Variants in DNAH17 observed in about 807,000 individuals in gnomAD.
DNAH17 encodes axonemal beta dynein heavy chain 17.
DNAH17 carries 376 observed loss-of-function variants against 485.6 expected under a neutral mutation model. The observed-to-expected ratio is 0.77, with a 90% confidence interval of 0.71 to 0.84. The LOEUF is 0.84. DNAH17 is among the 40% of genes least tolerant of loss of function. The pLI, the probability that DNAH17 is intolerant of heterozygous loss-of-function variation, is 0.00. For missense variants in DNAH17, 6,370 were observed against 5,839.3 expected, an observed-to-expected ratio of 1.09 and a Z score of -2.96; for synonymous variants, 3,031 against 2,405.9, an observed-to-expected ratio of 1.26 and a Z score of -7.60.
Position 78,441,203 on chromosome 17 carries a change from G to A in DNAH17, c.11529-4C>T. The A allele has an allele frequency of 6.2e-7, 1 of 1,613,704 alleles. No homozygotes were observed. Among genetic ancestry groups the A allele is most frequent in the Non-Finnish European group, 8.5e-7 (1 of 1,179,812 alleles). The stretch of plus-strand genomic sequence containing the variant: ...CATCTTTTCCTCCACGAAGTTCCTA[G>A]GGGTGGAGTGCATCAGAGGCAGCGG... On this transcript the variant is annotated splice_polypyrimidine_tract_variant and splice_region_variant and intron_variant, in intron 71 of 80. Coordinates refer to ENST00000389840, the MANE Select transcript of DNAH17 (RefSeq NM_173628.4).
chr17:78,560,278 C>G (rs1344398569), intron 13 of DNAH17, among the ~76,000 whole-genome samples: 1 of 152,188 alleles, frequency 6.6e-6, no homozygotes, highest in Admixed American at 6.5e-5. Context: ...AGAGCCGCAT[C>G]TCTGGTTTCC....
In DNAH17 at chr17:78,461,567, C is replaced by T. The variant is rs759348091; in HGVS notation, c.9316G>A (p.Val3106Ile). 1.2e-5 allele frequency: 19 copies of T among 1,600,170 alleles called. No homozygotes were observed. The South Asian group carries it at 2.0e-4, about 17-fold the overall frequency. The change falls in exon 58 of 81, where the codon GTC becomes ATC. Residue 3106 changes from valine (V) to isoleucine (I), a missense_variant. Val to Ile is a conservative substitution (Grantham distance 29, BLOSUM62 3). Transcript: ENST00000389840. ...KEKAIADQEE[V>I]KVEVINKNVT... ...ACCTTATTGATGACCTCGACCTTGACTTCTTCCTGGTCAGCAATGGCCTTC... is the reference window on the plus strand; with the variant it reads ...ACCTTATTGATGACCTCGACCTTGATTTCTTCCTGGTCAGCAATGGCCTTC...
rs546399149 is a variant in DNAH17, at chr17:78,429,612, G to A, written c.12226-312C>T. On this transcript the variant is annotated intron_variant, in intron 75 of 80. Transcript: ENST00000389840. ...ATGCTCTGCACCTCCCGTGGGGCAG[G>A]TGTTTCTGCTGTGCCTCACTGTGCC... is the stretch of plus-strand genomic sequence containing the variant. Among the ~76,000 whole-genome samples the A allele has an allele frequency of 1.7e-4, 26 of 152,328 alleles. No homozygotes were observed. In the East Asian group the frequency reaches 4.4e-3, roughly 26 times the overall value.
intron 26 of DNAH17, among the ~76,000 whole-genome samples, chr17:78,511,663 T>C (rs897256521): frequency 2.0e-5 from 3 of 152,366 alleles, no homozygotes; most frequent in South Asian, 4.1e-4. Flanking sequence ...TGGTGTCACA[T>C]AGTCAGATGT....
At chr17:78,505,060 T>TC (rs1299878163) in intron 31 of DNAH17, among the ~76,000 whole-genome samples, 1 of 151,904 alleles carries the variant, frequency 6.6e-6, no homozygotes, top group African/African-American at 2.4e-5. Context: ...TCCTTTCCCC[T>TC]CCCCTTTCTC....
Position 78,526,707 on chromosome 17 carries a change from T to G in DNAH17, c.3655A>C (p.Arg1219=). ...CTGAAGGAGAACGGGGCCTCGCGCC[T>G]GAACCTCTCCCTGAACTCATGTTGC... ...LKQHEFRERF[R]REAPFSFSDP... is the part of the protein sequence containing the mutation. The change falls in exon 24 of 81, where the codon AGG becomes CGG. Residue 1219 remains arginine, a synonymous_variant. Coordinates refer to ENST00000389840, the MANE Select transcript of DNAH17 (RefSeq NM_173628.4). 6.2e-7 allele frequency: 1 copy of G among 1,610,734 alleles called. No homozygotes were observed. Among genetic ancestry groups the G allele is most frequent in the Non-Finnish European group, 8.5e-7 (1 of 1,177,616 alleles).
intron 26 of DNAH17, among the ~76,000 whole-genome samples, chr17:78,511,830 C>T (rs1020043343): frequency 4.6e-5 from 7 of 152,220 alleles, no homozygotes; most frequent in African/African-American, 1.4e-4. Flanking sequence ...TGTTTATCAC[C>T]GCCCAAGCGT....
chr17:78,454,447 C>A, intron 64 of DNAH17, 23 bp downstream of exon 64: 3 of 1,590,538 alleles, frequency 1.9e-6, no homozygotes, highest in Non-Finnish European at 2.6e-6. Flanking sequence ...GGGCTTCGGC[C>A]CAGGTCCTGC....
chr17:78,486,206 G>C lies in DNAH17; in HGVS notation c.7101+18C>G. Reference sequence around the variant, plus strand: ...TGAGAGACCCTGTGTGGGTGGCCGGGCCCCCCAGGTGCATCACCTGGTCCT... The same window carrying C: ...TGAGAGACCCTGTGTGGGTGGCCGGCCCCCCCAGGTGCATCACCTGGTCCT... On this transcript the variant is annotated intron_variant, in intron 45 of 80. Transcript: ENST00000389840. 6.3e-7 allele frequency: 1 copy of C among 1,586,070 alleles called. No individual in the cohort carries two copies. The highest frequency in any genetic ancestry group is 2.2e-5 in the East Asian group (1 of 44,624).
At chr17:78,575,141 C>A (rs1261124207) in intron 1 of DNAH17, 59 bp from the exon 2 acceptor site, 2 of 1,095,852 alleles carry the variant, frequency 1.8e-6, no homozygotes, top group African/African-American at 3.2e-5. Flanking sequence ...ATTTCCCACC[C>A]ATCCCTGGCA....
intron 73 of DNAH17, among the ~76,000 whole-genome samples, chr17:78,438,693 TTCGCCA>T (rs1434522015): frequency 6.6e-6 from 1 of 151,680 alleles, no homozygotes; most frequent in East Asian, 2.0e-4. Context: ...GAGACAGGGT[TTCGCCA>T]TGTTGGTCAG....
intron 18 of DNAH17, 22 bp from the exon 19 acceptor site, chr17:78,537,503 C>A: frequency 6.2e-7 from 1 of 1,611,076 alleles, no homozygotes; most frequent in Non-Finnish European, 8.5e-7. Flanking sequence ...GTGGGGTTGG[C>A]AGTGGTCAAC....
chr17:78,552,819 G>A lies in DNAH17; in HGVS notation c.2179-14C>T, dbSNP rs771341871. On this transcript the variant is annotated splice_polypyrimidine_tract_variant and intron_variant, in intron 14 of 80. Coordinates refer to ENST00000389840, the MANE Select transcript of DNAH17 (RefSeq NM_173628.4). The stretch of plus-strand genomic sequence containing the variant: ...TATAGTCTTTATCTGAAAAACAGAG[G>A]TGACAGGTTTTGTTCCGAGTCCAAC... 9 of 1,583,102 alleles carry A rather than the reference G, an allele frequency of 5.7e-6. No individual in the cohort carries two copies. The South Asian group carries it at 7.7e-5, about 14-fold the overall frequency.
rs1391477444 is a variant in DNAH17 at position 78,438,529 on chromosome 17, ACT to A, written c.11805+559_11805+560del. ...TTTTATTTTTTTGAGATGGAGTCTC[ACT>A]CTGTCGCCCGGGCTGGAGTGCAGTG... On this transcript the variant is annotated intron_variant, in intron 73 of 80. Transcript: ENST00000389840. Among the ~76,000 whole-genome samples, 3 of 136,696 alleles carry A rather than the reference ACT, an allele frequency of 2.2e-5. No individual in the cohort carries two copies. In the East Asian group the frequency reaches 6.4e-4, roughly 29 times the overall value. The allele number at this position is 136,696 out of a possible 152,430, so 89.7% of individuals were successfully genotyped here.
At chr17:78,502,479 A>T in intron 33 of DNAH17, 112 bp downstream of exon 33, 1 of 1,057,138 alleles carries the variant, frequency 9.5e-7, no homozygotes, top group Non-Finnish European at 1.3e-6. Context: ...AGCCTCCGAG[A>T]AGAAGCCGCT....
At position 78,487,492 on chromosome 17, in the gene DNAH17, C is replaced by T. The variant is rs566965823; in HGVS notation, c.6819-986G>A. 3.9e-5 allele frequency among the ~76,000 whole-genome samples: 6 copies of T among 152,320 alleles called. No individual in the cohort carries two copies. The East Asian group carries it at 7.7e-4, about 20-fold the overall frequency. On this transcript the variant is annotated intron_variant, in intron 44 of 80. Transcript: ENST00000389840. ...AGCTCCTGTTAACACACACAGCCAG[C>T]CTGCCCTGCGCTGACCGGCAGACGT...
chr17:78,426,097 G>C (rs995387687), intron 79 of DNAH17, among the ~76,000 whole-genome samples: 1 of 152,228 alleles, frequency 6.6e-6, no homozygotes. Flanking sequence ...GGAACAGGTA[G>C]AGAAGGGTCA....
Position 78,459,107 on chromosome 17 carries a change from T to C in DNAH17, c.9755A>G (p.Tyr3252Cys). 3 of 1,613,982 alleles carry C rather than the reference T, an allele frequency of 1.9e-6. No individual in the cohort carries two copies. The highest frequency in any genetic ancestry group is 2.5e-6 in the Non-Finnish European group (3 of 1,179,890). The change falls in exon 61 of 81, where the codon TAC (tyrosine) becomes TGC (cysteine). Residue 3252 changes from tyrosine to cysteine, a missense_variant. Tyr to Cys is a radical substitution (Grantham distance 194). Coordinates refer to ENST00000389840, the MANE Select transcript of DNAH17 (RefSeq NM_173628.4). ...GGGCGCCACGTCGCAGTAGACCTCG[T>C]AGAAGCGGACGATGTTGATGCACCA... ...CSWCINIVRF[Y>C]EVYCDVAPKR...
intron 48 of DNAH17, among the ~76,000 whole-genome samples, chr17:78,481,340 T>C (rs2089342506): frequency 6.6e-6 from 1 of 152,058 alleles, no homozygotes; most frequent in East Asian, 1.9e-4. Flanking sequence ...CCTGACCTTG[T>C]GATCCGCCCG....
Sources: gnomAD v4.1 joint callset for allele counts (sites outside exome capture counted in the v4.1 genomes callset) on GRCh38, gnomAD v4.1.1 for gene constraint, MANE v1.5 for transcripts, NCBI Gene and HGNC (gene_info 2026-07-23, HGNC 2026-07-21) for gene names.